Variants in MTHFD2L observed in about 807,000 individuals in gnomAD.
MTHFD2L encodes bifunctional methylenetetrahydrofolate dehydrogenase/cyclohydrolase 2, mitochondrial.
Under a neutral mutation model 34.9 loss-of-function variants are expected in MTHFD2L, and 29 were observed. The observed-to-expected ratio is 0.83, with a 90% CI of 0.62 to 1.13. The LOEUF is 1.13. Among genes scored for constraint, MTHFD2L ranks in the 50% most tolerant of loss-of-function variants. The probability of loss-of-function intolerance (pLI) is 0.00; values close to 1 mark genes in which losing one functional copy is unlikely to be tolerated. For missense variants in MTHFD2L, 481 were observed against 446.5 expected, an observed-to-expected ratio of 1.08 and a Z score of -0.70; for synonymous variants, 167 against 155.7, an observed-to-expected ratio of 1.07 and a Z score of -0.54.
At chr4:74,191,714 G>C (rs1165350166) in intron 3 of MTHFD2L, among the ~76,000 whole-genome samples, 1 of 151,570 alleles carries the variant, frequency 6.6e-6, no homozygotes, top group Non-Finnish European at 1.5e-5. Context: ...CCACGCCCAG[G>C]TAATTTTTTG....
chr4:74,272,945 G>T (rs557182958), intron 6 of MTHFD2L, among the ~76,000 whole-genome samples: 15 of 152,210 alleles, frequency 9.9e-5, no homozygotes, highest in Non-Finnish European at 2.1e-4. Flanking sequence ...TATGTTTACA[G>T]GAAAGATTTG....
intron 6 of MTHFD2L, among the ~76,000 whole-genome samples, chr4:74,232,374 G>A (rs1740201255): frequency 1.3e-5 from 2 of 152,082 alleles, no homozygotes; most frequent in South Asian, 4.1e-4. Flanking sequence ...AGGGAAGGCC[G>A]AGGCACTTAG....
At chr4:74,165,547 G>A (rs868706540) in intron 1 of MTHFD2L, among the ~76,000 whole-genome samples, 1 of 152,186 alleles carries the variant, frequency 6.6e-6, no homozygotes, top group East Asian at 1.9e-4. Flanking sequence ...TAGTAGAGAC[G>A]GGGTTTCACC....
intron 1 of MTHFD2L, chr4:74,160,253 CCTTT>C: frequency 2.4e-6 from 1 of 418,800 alleles, no homozygotes; most frequent in South Asian, 2.2e-5. Context: ...CTGAAAATTG[CCTTT>C]GAGTTTGATA....
At chr4:74,144,698 T>A (rs749140017) in intron 1 of MTHFD2L, among the ~76,000 whole-genome samples, 1 of 152,192 alleles carries the variant, frequency 6.6e-6, no homozygotes, top group Non-Finnish European at 1.5e-5. Context: ...TTTAGTTACA[T>A]GATATTTGGT....
intron 1 of MTHFD2L, among the ~76,000 whole-genome samples, chr4:74,145,296 A>G (rs1723526259): frequency 6.6e-6 from 1 of 152,224 alleles, no homozygotes; most frequent in African/African-American, 2.4e-5. Flanking sequence ...CTATTTACAT[A>G]GCATATACAT....
At chr4:74,235,794 A>G (rs1265574089) in intron 6 of MTHFD2L, among the ~76,000 whole-genome samples, 1 of 152,164 alleles carries the variant, frequency 6.6e-6, no homozygotes, top group Admixed American at 6.5e-5. Flanking sequence ...GTATAAGAAA[A>G]AAACTGGTAT....
At chr4:74,125,825 G>A (rs183958434) in intron 1 of MTHFD2L, among the ~76,000 whole-genome samples, 2 of 152,084 alleles carry the variant, frequency 1.3e-5, no homozygotes, top group Non-Finnish European at 2.9e-5. Flanking sequence ...AATTTTACTT[G>A]TATTTAGAAA....
chr4:74,147,343 T>C (rs1204248319), intron 1 of MTHFD2L, among the ~76,000 whole-genome samples: 4 of 152,172 alleles, frequency 2.6e-5, no homozygotes, highest in Admixed American at 2.0e-4. Context: ...TCCTGTCTAA[T>C]AGAAGGATTC....
chr4:74,130,204 GAA>G (rs1722377283), intron 1 of MTHFD2L, among the ~76,000 whole-genome samples: 1 of 151,940 alleles, frequency 6.6e-6, no homozygotes, highest in South Asian at 2.1e-4. Flanking sequence ...CCAAACAATA[GAA>G]AAAGAGAGAC....
upstream of MTHFD2L, among the ~76,000 whole-genome samples, chr4:74,120,508 C>G (rs184671938): frequency 2.6e-5 from 4 of 152,302 alleles, no homozygotes; most frequent in Admixed American, 1.3e-4. Context: ...CATGGACGGA[C>G]CGACTGCCAT....
At chr4:74,244,266 T>A (rs1449843711) in intron 6 of MTHFD2L, among the ~76,000 whole-genome samples, 1 of 152,208 alleles carries the variant, frequency 6.6e-6, no homozygotes. Context: ...GAAAGATAGA[T>A]GAGTGGGTAG....
At chr4:74,299,049 T>A (rs1007663563) in intron 7 of MTHFD2L, among the ~76,000 whole-genome samples, 1 of 151,982 alleles carries the variant, frequency 6.6e-6, no homozygotes, top group Non-Finnish European at 1.5e-5. Context: ...CAATTGATAG[T>A]AGCTATGGTT....
upstream of MTHFD2L, among the ~76,000 whole-genome samples, chr4:74,124,543 A>G (rs1721942193): frequency 6.6e-6 from 1 of 151,960 alleles, no homozygotes; most frequent in South Asian, 2.1e-4. Flanking sequence ...AATCATTTTG[A>G]AAGAAAGGAA....
intron 1 of MTHFD2L, among the ~76,000 whole-genome samples, chr4:74,172,150 G>T (rs977598): frequency 0.79 from 119,656 of 152,150 alleles, 52,000 homozygotes; most frequent in Non-Finnish European, 0.96. Flanking sequence ...GTCAATGGTT[G>T]CCTGGAATGG....
At chr4:74,247,248 A>G (rs963387476) in intron 6 of MTHFD2L, among the ~76,000 whole-genome samples, 1 of 151,754 alleles carries the variant, frequency 6.6e-6, no homozygotes, top group Non-Finnish European at 1.5e-5. Context: ...GCAATTGTGA[A>G]TGGGAGTTCA....
At chr4:74,295,712 T>G (rs562969030) in intron 7 of MTHFD2L, among the ~76,000 whole-genome samples, 2 of 152,300 alleles carry the variant, frequency 1.3e-5, no homozygotes, top group East Asian at 3.9e-4. Flanking sequence ...ACCTCTTCCA[T>G]GTCACCTCCT....
chr4:74,275,010 G>T (rs1436969653), intron 6 of MTHFD2L, among the ~76,000 whole-genome samples: 1 of 152,066 alleles, frequency 6.6e-6, no homozygotes, highest in Non-Finnish European at 1.5e-5. Context: ...TATTACATAG[G>T]TATCCGTATG....
chr4:74,190,892 A>G (rs1578410576), intron 3 of MTHFD2L, among the ~76,000 whole-genome samples: 1 of 152,076 alleles, frequency 6.6e-6, no homozygotes, highest in Non-Finnish European at 1.5e-5. Flanking sequence ...CCTCACTTAT[A>G]TATTCATTTT....
Sources: gnomAD v4.1 joint callset for allele counts (sites outside exome capture counted in the v4.1 genomes callset) on GRCh38, gnomAD v4.1.1 for gene constraint, MANE v1.5 for transcripts, NCBI Gene and HGNC (gene_info 2026-07-23, HGNC 2026-07-21) for gene names.